CCDC149: variants seen among roughly 807,000 people sequenced by gnomAD.
CCDC149 encodes coiled-coil domain containing 149, also known as coiled-coil domain-containing protein 149.
A neutral mutation model predicts 59.9 loss-of-function variants in CCDC149; 45 were observed. The ratio of observed to expected loss-of-function variants is 0.75; its 90% CI spans 0.59 to 0.96. The LOEUF is 0.96. CCDC149 is among the 40% of genes least tolerant of loss of function. The pLI is 0.00. For missense variants in CCDC149, 584 were observed against 664.7 expected, an observed-to-expected ratio of 0.88 and a Z score of 1.33; for synonymous variants, 245 against 260.6, an observed-to-expected ratio of 0.94 and a Z score of 0.58.
At chr4:24,943,100 A>G (rs1429136672) in intron 1 of CCDC149, among the ~76,000 whole-genome samples, 1 of 152,018 alleles carries the variant, frequency 6.6e-6, no homozygotes. Context: ...GTCAATCCTA[A>G]GCCAAAAGAA....
At chr4:24,840,238 A>C (rs2109149649) in intron 4 of CCDC149, among the ~76,000 whole-genome samples, 1 of 152,290 alleles carries the variant, frequency 6.6e-6, no homozygotes, top group African/African-American at 2.4e-5. Flanking sequence ...CAAGAGCAAA[A>C]GCACCATTGG....
chr4:24,966,552 A>G (rs1045701465), intron 1 of CCDC149, among the ~76,000 whole-genome samples: 1 of 152,180 alleles, frequency 6.6e-6, no homozygotes, highest in Non-Finnish European at 1.5e-5. Flanking sequence ...CTCCACCCAC[A>G]GTGGCCCCCT....
chr4:24,915,413 C>T (rs938462560), upstream of CCDC149, among the ~76,000 whole-genome samples: 1 of 152,228 alleles, frequency 6.6e-6, no homozygotes, highest in African/African-American at 2.4e-5. Context: ...TAGCTGAGCC[C>T]TTCATGATAT....
chr4:24,866,602 C>G (rs544261667), intron 3 of CCDC149, among the ~76,000 whole-genome samples: 2 of 152,150 alleles, frequency 1.3e-5, no homozygotes, highest in East Asian at 3.9e-4. Flanking sequence ...CAATATCCCA[C>G]GAGAAGCTAT....
chr4:24,927,678 C>G (rs1722465753), intron 1 of CCDC149, among the ~76,000 whole-genome samples: 1 of 152,160 alleles, frequency 6.6e-6, no homozygotes, highest in Non-Finnish European at 1.5e-5. Flanking sequence ...GCTAAGCAGT[C>G]AAATGCCTAT....
chr4:24,828,099 A>C (rs1160020143), intron 9 of CCDC149: 1 of 152,168 alleles, frequency 6.6e-6, no homozygotes, highest in Non-Finnish European at 1.5e-5. Flanking sequence ...CCCCCAAATA[A>C]AACATTTATT....
intron 3 of CCDC149, among the ~76,000 whole-genome samples, chr4:24,856,530 C>G (rs1350913445): frequency 6.6e-6 from 1 of 152,162 alleles, no homozygotes; most frequent in Non-Finnish European, 1.5e-5. Flanking sequence ...GAGAGAGAGC[C>G]TTGTAGATAT....
intron 1 of CCDC149, among the ~76,000 whole-genome samples, chr4:24,945,559 T>G (rs1723083582): frequency 6.6e-6 from 1 of 152,048 alleles, no homozygotes; most frequent in Non-Finnish European, 1.5e-5. Flanking sequence ...ACTCCAGAAC[T>G]GTGAGAACGT....
intron 1 of CCDC149, among the ~76,000 whole-genome samples, chr4:24,923,821 A>G (rs1722365940): frequency 6.6e-6 from 1 of 152,216 alleles, no homozygotes; most frequent in Admixed American, 6.5e-5. Context: ...ACACCCAAAT[A>G]TACAGTGGCT....
chr4:24,918,537 T>A (rs1481257022), intron 1 of CCDC149, among the ~76,000 whole-genome samples: 2 of 152,122 alleles, frequency 1.3e-5, no homozygotes, highest in Non-Finnish European at 2.9e-5. Flanking sequence ...GAGAATTGCC[T>A]CCCTGGGCCA....
chr4:24,821,660 T>C (rs1715407923), intron 10 of CCDC149, among the ~76,000 whole-genome samples: 2 of 152,280 alleles, frequency 1.3e-5, no homozygotes, highest in Non-Finnish European at 2.9e-5. Context: ...GATTCAAGGA[T>C]GAAGGAGACT....
intron 1 of CCDC149, among the ~76,000 whole-genome samples, chr4:24,943,303 C>T (rs1349218020): frequency 6.6e-6 from 1 of 151,956 alleles, no homozygotes; most frequent in East Asian, 1.9e-4. Flanking sequence ...CTGAGAAAAA[C>T]AAGCAATGGG....
chr4:24,901,923 C>A (rs1437495711), intron 1 of CCDC149, among the ~76,000 whole-genome samples: 4 of 152,310 alleles, frequency 2.6e-5, no homozygotes, highest in East Asian at 3.9e-4. Flanking sequence ...CTATTCCCAT[C>A]AATGCTGTAA....
At chr4:24,930,840 A>G (rs947607324) in intron 1 of CCDC149, among the ~76,000 whole-genome samples, 2 of 152,194 alleles carry the variant, frequency 1.3e-5, no homozygotes, top group African/African-American at 4.8e-5. Context: ...ATAAAATTTA[A>G]CTTTTTTTGA....
intron 3 of CCDC149, among the ~76,000 whole-genome samples, chr4:24,861,618 C>T (rs1368993372): frequency 7.5e-6 from 1 of 132,660 alleles, no homozygotes; most frequent in Admixed American, 8.3e-5. Flanking sequence ...CAACTTGTTC[C>T]CCCTAAACTA....
rs567801834 is a variant in CCDC149 at position 24,895,799 on chromosome 4, G to A, written c.63+17018C>T. 4.6e-5 allele frequency among the ~76,000 whole-genome samples: 7 copies of A among 152,288 alleles called. No individual in the cohort carries two copies. In the South Asian group the frequency reaches 1.5e-3, roughly 32 times the overall value. ...CCTGTCTTCAGGCTCCCACAACAGA[G>A]GGGCTATGAGACCATCCCTTCAGGA... is the stretch of plus-strand genomic sequence containing the variant. On this transcript the variant is annotated intron_variant, in intron 1 of 12. Transcript: ENST00000635206.
chr4:24,971,392 A>AGGCC (rs1283025211), intron 1 of CCDC149, among the ~76,000 whole-genome samples: 2 of 152,326 alleles, frequency 1.3e-5, no homozygotes, highest in African/African-American at 4.8e-5. Context: ...AGTCAGGAGT[A>AGGCC]AGCCAAGGCA....
At chr4:24,948,922 A>G (rs560969302) in intron 1 of CCDC149, among the ~76,000 whole-genome samples, 1 of 152,318 alleles carries the variant, frequency 6.6e-6, no homozygotes, top group East Asian at 1.9e-4. Flanking sequence ...TTTGCCATCC[A>G]CTATGTAAGA....
At chr4:24,901,701 A>C (rs1343820997) in intron 1 of CCDC149, among the ~76,000 whole-genome samples, 1 of 152,134 alleles carries the variant, frequency 6.6e-6, no homozygotes, top group East Asian at 1.9e-4. Flanking sequence ...ACTCCCAGGA[A>C]ACTCTGAATG....
Sources: gnomAD v4.1 joint callset for allele counts (sites outside exome capture counted in the v4.1 genomes callset) on GRCh38, gnomAD v4.1.1 for gene constraint, MANE v1.5 for transcripts, NCBI Gene and HGNC (gene_info 2026-07-23, HGNC 2026-07-21) for gene names.